Variants in SHROOM2 observed in about 807,000 individuals in gnomAD.
SHROOM2 encodes the protein shroom family member 2, also known as protein Shroom2.
In SHROOM2, 33 loss-of-function variants were observed where a neutral mutation model predicts 75.9. The observed-to-expected ratio is 0.43, with a 90% CI of 0.33 to 0.58. The LOEUF is 0.58. Ranked by LOEUF, SHROOM2 falls within the 20% of genes least tolerant of loss-of-function variation. SHROOM2 has a pLI of 0.04. For missense variants in SHROOM2, 1,434 were observed against 1,461.2 expected (o/e 0.98, Z 0.30); for synonymous variants, 655 against 663.6 (o/e 0.99, Z 0.20).
chrX:9,923,371 T>G (rs957070012), intron 5 of SHROOM2, among the ~76,000 whole-genome samples: 7 of 111,760 alleles, frequency 6.3e-5, no homozygotes, highest in African/African-American at 2.0e-4. Context: ...GAGAGTAATT[T>G]CATTTCAGAG....
intron 9 of SHROOM2, 78 bp downstream of exon 9, chrX:9,944,991 G>A: frequency 9.6e-7 from 1 of 1,043,501 alleles, no homozygotes; most frequent in South Asian, 2.2e-5. Flanking sequence ...GTGAAAGTCA[G>A]CTCCTTGGAG....
chrX:9,873,885 C>G, intron 2 of SHROOM2, 82 bp downstream of exon 2: 1 of 1,022,335 alleles, frequency 9.8e-7, no homozygotes, highest in Non-Finnish European at 1.4e-6. Context: ...GTTGTCCTGC[C>G]CACATCACTA....
chrX:9,824,392 C>T (rs375506183), intron 1 of SHROOM2, among the ~76,000 whole-genome samples: 5 of 111,177 alleles, frequency 4.5e-5, no homozygotes, highest in Admixed American at 2.9e-4. Context: ...GAGCGGAGAT[C>T]GCACCATTGC....
At position 9,890,840 on chromosome X, in the gene SHROOM2, C is replaced by T. The variant is rs753610583; in HGVS notation, c.318-137C>T. ...GGCACAAGCGCACGTGCGCTGTGTG[C>T]GGTCCTCAAGCCCCCTGCACTGTTT... On this transcript the variant is annotated intron_variant, in intron 2 of 9. Transcript: ENST00000380913. The T allele has an allele frequency of 9.5e-4, 540 of 569,142 alleles. 2 individuals carry two copies. The highest frequency in any genetic ancestry group is 1.3e-3 in the Non-Finnish European group (481 of 375,767). The allele number at this position is 569,142 out of a possible 1,213,427, so 46.9% of individuals were successfully genotyped here.
chrX:9,939,642 CTTAT>C (rs1427682111), intron 8 of SHROOM2, among the ~76,000 whole-genome samples: 1 of 112,431 alleles, frequency 8.9e-6, no homozygotes, highest in Non-Finnish European at 1.9e-5. Context: ...TTCATTTTAT[CTTAT>C]TTATTTATTT....
intron 1 of SHROOM2, among the ~76,000 whole-genome samples, chrX:9,831,303 C>G (rs2083914786): frequency 8.9e-6 from 1 of 112,163 alleles, no homozygotes; most frequent in African/African-American, 3.2e-5. Context: ...CTAGACATTG[C>G]CAAGTGTCTA....
At position 9,787,205 on chromosome X, in the gene SHROOM2, G is replaced by T. The variant is rs746474521; in HGVS notation, c.165+495G>T. 8.0e-5 allele frequency among the ~76,000 whole-genome samples: 9 copies of T among 112,122 alleles called. No individual in the cohort carries two copies. The East Asian group carries it at 2.5e-3, about 32-fold the overall frequency. On this transcript the variant is annotated intron_variant, in intron 1 of 9. Transcript: ENST00000380913. The stretch of plus-strand genomic sequence containing the variant: ...AGCCCATCAATGTTTACTGACTTTC[G>T]GCTTCCAGTCCCAGATCCACTGCGC...
At position 9,860,987 on chromosome X, in the gene SHROOM2, A is replaced by G. The variant is rs893002697; in HGVS notation, c.166-12665A>G. Among the ~76,000 whole-genome samples, 36 of 112,088 alleles carry G rather than the reference A, an allele frequency of 3.2e-4. 1 individual carries two copies. The highest frequency in any genetic ancestry group is 9.5e-4 in the Admixed American group (10 of 10,518). ...CTATGTGACATATCTGGAATAGTCA[A>G]GTTCACAGAGGCAGGAATAAAATGC... On this transcript the variant is annotated intron_variant, in intron 1 of 9. Transcript: ENST00000380913.
rs867301676 is a variant in SHROOM2, at chrX:9,792,028, A to G, written c.165+5318A>G. On this transcript the variant is annotated intron_variant, in intron 1 of 9. Transcript: ENST00000380913. Reference sequence around the variant, plus strand: ...ATAGAATAGAATAGAATAGAATAGAATAGAATAGAATAGAATAGAATAGAA... The same window carrying G: ...ATAGAATAGAATAGAATAGAATAGAGTAGAATAGAATAGAATAGAATAGAA... Among the ~76,000 whole-genome samples the G allele has an allele frequency of 1.4e-3, 17 of 12,166 alleles. 1 individual carries two copies. In the South Asian group the frequency reaches 0.03, roughly 22 times the overall value. The allele number at this position is 12,166 out of a possible 115,157, so 10.6% of individuals were successfully genotyped here. A position where few individuals can be genotyped will look rare whatever the true frequency, so the allele number is the denominator to read the frequency against.
At chrX:9,945,838 A>G (rs1346973197) in intron 9 of SHROOM2, among the ~76,000 whole-genome samples, 1 of 112,647 alleles carries the variant, frequency 8.9e-6, no homozygotes, top group Non-Finnish European at 1.9e-5. Flanking sequence ...TTTACCTCAT[A>G]GGCCAAATAT....
chrX:9,934,726 A>G (rs1193701589), intron 6 of SHROOM2, among the ~76,000 whole-genome samples: 1 of 111,880 alleles, frequency 8.9e-6, no homozygotes, highest in Non-Finnish European at 1.9e-5. Context: ...TCAGGAATAG[A>G]TGCTTTGTTG....
intron 1 of SHROOM2, among the ~76,000 whole-genome samples, chrX:9,869,385 G>A (rs1165124117): frequency 1.8e-5 from 2 of 112,183 alleles, no homozygotes; most frequent in African/African-American, 6.5e-5. Context: ...CATTTACATT[G>A]TTGTCCAACC....
chrX:9,857,863 G>C (rs2084081102), intron 1 of SHROOM2, among the ~76,000 whole-genome samples: 1 of 110,726 alleles, frequency 9.0e-6, no homozygotes, highest in South Asian at 3.9e-4. Flanking sequence ...ACTGGGTAGT[G>C]GCTGCTCCTT....
At chrX:9,791,628 G>A (rs1048507556) in intron 1 of SHROOM2, among the ~76,000 whole-genome samples, 2 of 111,930 alleles carry the variant, frequency 1.8e-5, no homozygotes, top group Non-Finnish European at 3.8e-5. Context: ...CATGCAAGCC[G>A]AAAACTTTAA....
rs2083917920 is a variant in SHROOM2 at position 9,831,803 on chromosome X, G to A, written c.166-41849G>A. ...TGCCTTCTTGCTGTATCCATGCATG[G>A]TGGAAGGGGCAACAGAGCTCTCTGG... On this transcript the variant is annotated intron_variant, in intron 1 of 9. Transcript: ENST00000380913. Among the ~76,000 whole-genome samples the A allele has an allele frequency of 3.6e-5, 4 of 111,474 alleles. No homozygotes were observed. In the Admixed American group the frequency reaches 3.8e-4, roughly 11 times the overall value.
At chrX:9,932,981 T>C in intron 6 of SHROOM2, 111 bp downstream of exon 6, 1 of 623,680 alleles carries the variant, frequency 1.6e-6, no homozygotes. Flanking sequence ...GCTCAAGGCG[T>C]TGGACTTAAA....
In SHROOM2 at chrX:9,891,124, C is replaced by A; in HGVS notation, c.449+16C>A. On this transcript the variant is annotated intron_variant, in intron 3 of 9. Transcript: ENST00000380913. Reference sequence around the variant, plus strand: ...ACCACGCGAGGTAGGCACCCATTCCCGTCCAGGATGCCAGGTTTGTTCAGC... The same window carrying A: ...ACCACGCGAGGTAGGCACCCATTCCAGTCCAGGATGCCAGGTTTGTTCAGC... 1 of 1,197,527 alleles carries A rather than the reference C, an allele frequency of 8.4e-7. No individual in the cohort carries two copies. The highest frequency in any genetic ancestry group is 1.1e-6 in the Non-Finnish European group (1 of 888,214).
intron 5 of SHROOM2, among the ~76,000 whole-genome samples, chrX:9,921,203 T>A (rs934635192): frequency 9.8e-5 from 11 of 111,813 alleles, no homozygotes; most frequent in African/African-American, 3.6e-4. Context: ...CTGTGAGTTA[T>A]CCTCGGGAGA....
chrX:9,925,476 A>T, intron 5 of SHROOM2, among the ~76,000 whole-genome samples: 2 of 112,614 alleles, frequency 1.8e-5, no homozygotes, highest in East Asian at 5.6e-4. Context: ...AGTGCTTTCT[A>T]GATGATAACC....
Sources: gnomAD v4.1 joint callset for allele counts (sites outside exome capture counted in the v4.1 genomes callset) on GRCh38, gnomAD v4.1.1 for gene constraint, MANE v1.5 for transcripts, NCBI Gene and HGNC (gene_info 2026-07-23, HGNC 2026-07-21) for gene names.